SEPTIN9: variants seen among roughly 807,000 people sequenced by gnomAD.
SEPTIN9 encodes septin 9.
A neutral mutation model predicts 56.6 loss-of-function variants in SEPTIN9; 13 were observed. That is an observed-to-expected ratio of 0.23 (90% CI 0.15 to 0.37). The LOEUF (loss-of-function observed/expected upper bound fraction) is 0.37, where lower values mean the gene tolerates loss of function less well. Among genes scored for constraint, SEPTIN9 ranks in the 10% least tolerant of loss-of-function variants. The pLI is 1.00. For synonymous variants in SEPTIN9, 332 were observed against 334.1 expected (o/e 0.99, Z 0.07); for missense variants, 650 against 823.1 (o/e 0.79, Z 2.57).
At chr17:77,497,257 G>A in intron 10 of SEPTIN9, 58 bp from the exon 11 acceptor site, 3 of 1,525,140 alleles carry the variant, frequency 2.0e-6, no homozygotes, top group Non-Finnish European at 1.8e-6. Flanking sequence ...GAGAGAGGTG[G>A]GGTCCGGGCA....
chr17:77,472,470 T>TG (rs1397730042), intron 3 of SEPTIN9: 1 of 152,238 alleles, frequency 6.6e-6, no homozygotes, highest in Non-Finnish European at 1.5e-5. Context: ...TCACACCACC[T>TG]GTCCCTTCCA....
chr17:77,402,397 G>A lies in SEPTIN9; in HGVS notation c.415G>A (p.Gly139Ser). The A allele has an allele frequency of 1.2e-6, 2 of 1,611,592 alleles. No individual in the cohort carries two copies. Among genetic ancestry groups the A allele is most frequent in the Non-Finnish European group, 1.7e-6 (2 of 1,179,378 alleles). The change falls in exon 3 of 12, where the codon GGC becomes AGC. Residue 139 changes from glycine (G) to serine (S), a missense_variant. Coordinates refer to ENST00000427177, the MANE Select transcript of SEPTIN9 (RefSeq NM_001113491.2). This position sits in a 1 kb window ranked among gnomAD's most constrained non-coding sequence, Gnocchi z 6.6. ...RFGLKRAEVL[G>S]HKTPEPAPRR... The stretch of plus-strand genomic sequence containing the variant: ...CGGGCTCAAGAGGGCCGAGGTGTTG[G>A]GCCACAAGACGCCAGAACCGGCCCC...
Position 77,387,891 on chromosome 17 carries a change from C to G in SEPTIN9, c.77-14168C>G, listed in dbSNP as rs376191946. Among the ~76,000 whole-genome samples, 835 of 148,320 alleles carry G rather than the reference C, an allele frequency of 5.6e-3. 6 individuals are homozygous for G. Among genetic ancestry groups the G allele is most frequent in the African/African-American group, 0.019 (765 of 40,084 alleles). ...CTAGCCTGACCCTCCACCCCCACCT[C>G]CCCCTTCCCGCCCCCCTTCACCAGC... is the stretch of plus-strand genomic sequence containing the variant. On this transcript the variant is annotated intron_variant, in intron 2 of 11. Transcript: ENST00000427177.
At chr17:77,470,687 C>T (rs927447158) in intron 3 of SEPTIN9, 9 of 152,324 alleles carry the variant, frequency 5.9e-5, no homozygotes, top group Admixed American at 2.6e-4. Context: ...TCCACCCACC[C>T]ACTCACCCAT....
Position 77,437,025 on chromosome 17 carries a change from G to A in SEPTIN9, c.721+34322G>A, listed in dbSNP as rs924719889. Among the ~76,000 whole-genome samples the A allele has an allele frequency of 5.3e-5, 8 of 152,218 alleles. No homozygotes were observed. The highest frequency in any genetic ancestry group is 8.8e-5 in the Non-Finnish European group (6 of 68,034). On this transcript the variant is annotated intron_variant, in intron 3 of 11. Coordinates refer to ENST00000427177, the MANE Select transcript of SEPTIN9 (RefSeq NM_001113491.2). This position sits in a 1 kb window ranked among gnomAD's most constrained non-coding sequence, Gnocchi z 5.3. ...TTTACAGTGGAGGAAACTAGAGGCC[G>A]AGAGAGGTGAAGTGAGTTCCCTGGG...
intron 2 of SEPTIN9, among the ~76,000 whole-genome samples, chr17:77,360,915 C>CTTTTT (rs34718935): frequency 1.7e-4 from 13 of 76,794 alleles, no homozygotes; most frequent in African/African-American, 5.7e-4. Context: ...GTCTTTCATC[C>CTTTTT]TTTTTTTTTT....
chr17:77,292,304 A>C (rs2031598668), intron 1 of SEPTIN9, among the ~76,000 whole-genome samples: 1 of 152,000 alleles, frequency 6.6e-6, no homozygotes, highest in Non-Finnish European at 1.5e-5. Context: ...GTTGGTCTCC[A>C]TCTCTGTCTA....
intron 3 of SEPTIN9, chr17:77,470,803 C>G (rs1487444375): frequency 6.6e-6 from 1 of 152,296 alleles, no homozygotes; most frequent in East Asian, 1.9e-4. Flanking sequence ...GCGTCATAAG[C>G]TTTCATAGGC....
chr17:77,455,301 G>T (rs1326422407), intron 3 of SEPTIN9, among the ~76,000 whole-genome samples: 3 of 152,186 alleles, frequency 2.0e-5, no homozygotes, highest in Non-Finnish European at 4.4e-5. Flanking sequence ...TCCGGCCTCT[G>T]CATGGCCTTC....
chr17:77,316,286 C>T (rs2032703875), intron 2 of SEPTIN9, among the ~76,000 whole-genome samples: 1 of 152,210 alleles, frequency 6.6e-6, no homozygotes, highest in South Asian at 2.1e-4. Flanking sequence ...CTTACCTCAC[C>T]ACCTCTGCAC....
intron 2 of SEPTIN9, among the ~76,000 whole-genome samples, chr17:77,308,911 G>A (rs1306781208): frequency 1.3e-5 from 2 of 152,262 alleles, no homozygotes; most frequent in African/African-American, 4.8e-5. Flanking sequence ...CTGTATGTGG[G>A]AAGAGGGGGG....
rs370439182 is a variant in SEPTIN9 at position 77,292,488 on chromosome 17, TG to T, written c.19+10935del. On this transcript the variant is annotated intron_variant, in intron 1 of 11. Transcript: ENST00000427177. ...TTCCTTGTTGGAGTCTGCAGTTTTT[TG>T]TTTTTTTTTTTTTAAATTTTTTGAG... Among the ~76,000 whole-genome samples the T allele has an allele frequency of 6.2e-3, 938 of 151,300 alleles. 14 individuals carry two copies. Among genetic ancestry groups the T allele is most frequent in the African/African-American group, 0.022 (892 of 41,036 alleles).
rs2037990690 is a variant in SEPTIN9, at chr17:77,451,948, A to G, written c.722-30196A>G. ...TCTCTAAAATCACTCCGCTCAAGTT[A>G]TCACCCCTCTGGGCTCCCGAAGACC... is the stretch of plus-strand genomic sequence containing the variant. On this transcript the variant is annotated intron_variant, in intron 3 of 11. Coordinates refer to ENST00000427177, the MANE Select transcript of SEPTIN9 (RefSeq NM_001113491.2). The surrounding 1 kb of genome is among the most constrained non-coding windows in gnomAD (Gnocchi z 4.2). Among the ~76,000 whole-genome samples the G allele has an allele frequency of 6.6e-6, 1 of 152,146 alleles. No homozygotes were observed. The highest frequency in any genetic ancestry group is 2.1e-4 in the South Asian group (1 of 4,822).
In SEPTIN9 at chr17:77,343,954, G is replaced by A. The variant is rs140191717; in HGVS notation, c.76+36757G>A. Among the ~76,000 whole-genome samples, 279 of 152,310 alleles carry A rather than the reference G, an allele frequency of 1.8e-3. 3 individuals carry two copies. The highest frequency in any genetic ancestry group is 3.4e-3 in the Middle Eastern group (1 of 294). On this transcript the variant is annotated intron_variant, in intron 2 of 11. Transcript: ENST00000427177. Reference sequence around the variant, plus strand: ...GAAGAAAACATAGGAGGAAAGCTTCGTGACATTGGAGTTGGCAATGCTTTC... The same window carrying A: ...GAAGAAAACATAGGAGGAAAGCTTCATGACATTGGAGTTGGCAATGCTTTC...
Position 77,395,679 on chromosome 17 carries a change from C to T in SEPTIN9, c.77-6380C>T, listed in dbSNP as rs114106755. 6.8e-3 allele frequency among the ~76,000 whole-genome samples: 1,041 copies of T among 152,222 alleles called. 13 individuals are homozygous for T. The highest frequency in any genetic ancestry group is 0.022 in the African/African-American group (928 of 41,518). ...CATCCAGAGATCGTTATTTTCTGCC[C>T]GGGTGTGAGTGTGTGTGTGCGTGCA... On this transcript the variant is annotated intron_variant, in intron 2 of 11. Coordinates refer to ENST00000427177, the MANE Select transcript of SEPTIN9 (RefSeq NM_001113491.2).
At chr17:77,419,818 C>T (rs1004823557) in intron 3 of SEPTIN9, 21 of 152,346 alleles carry the variant, frequency 1.4e-4, no homozygotes, top group African/African-American at 4.8e-4. Flanking sequence ...CCCCACGCAG[C>T]CTCCGACTCA....
At chr17:77,408,124 A>G (rs1393812783) in intron 3 of SEPTIN9, among the ~76,000 whole-genome samples, 2 of 152,220 alleles carry the variant, frequency 1.3e-5, no homozygotes, top group Non-Finnish European at 2.9e-5. Flanking sequence ...GGCCAGGCCC[A>G]GTGCCCAGCT....
intron 2 of SEPTIN9, among the ~76,000 whole-genome samples, chr17:77,309,797 T>C (rs67186777): frequency 0.16 from 24,386 of 152,034 alleles, 2,137 homozygotes; most frequent in African/African-American, 0.22. Context: ...AATAAGGTAA[T>C]AAAACACCTG....
At chr17:77,474,486 G>A (rs752667193) in intron 3 of SEPTIN9, among the ~76,000 whole-genome samples, 29 of 152,214 alleles carry the variant, frequency 1.9e-4, no homozygotes, top group Non-Finnish European at 3.2e-4. Flanking sequence ...CCTGGCTGGC[G>A]GGTAGAATCT....
Sources: gnomAD v4.1 joint callset for allele counts (sites outside exome capture counted in the v4.1 genomes callset) on GRCh38, gnomAD v4.1.1 for gene constraint, Gnocchi (gnomAD v3.1) non-coding constraint, MANE v1.5 for transcripts, NCBI Gene and HGNC (gene_info 2026-07-23, HGNC 2026-07-21) for gene names.